RORA: variants seen among roughly 807,000 people sequenced by gnomAD.
RORA encodes RAR related orphan receptor A.
A neutral mutation model predicts 69.5 loss-of-function variants in RORA; 7 were observed. That is an observed-to-expected ratio of 0.10 (90% confidence interval 0.06 to 0.19). RORA has a LOEUF of 0.19. Among genes scored for constraint, RORA ranks in the 10% least tolerant of loss-of-function variants. The pLI, the probability that RORA is intolerant of heterozygous loss-of-function variation, is 1.00. For missense variants in RORA, 457 were observed against 663.0 expected, an observed-to-expected ratio of 0.69 and a Z score of 3.41; for synonymous variants, 261 against 240.8, an observed-to-expected ratio of 1.08 and a Z score of -0.78.
chr15:60,934,003 C>T (rs576850461), intron 1 of RORA, among the ~76,000 whole-genome samples: 6 of 152,310 alleles, frequency 3.9e-5, no homozygotes, highest in South Asian at 2.1e-4. Context: ...GACAGTCGTT[C>T]GGTAAAGAAA....
chr15:60,526,759 CAG>C (rs2066370856), intron 3 of RORA, among the ~76,000 whole-genome samples: 1 of 152,232 alleles, frequency 6.6e-6, no homozygotes, highest in African/African-American at 2.4e-5. Flanking sequence ...GAAAAGTGGA[CAG>C]AATTAGTTCA....
At chr15:60,597,615 TATACATAC>T (rs1555436052) in intron 2 of RORA, among the ~76,000 whole-genome samples, 642 of 47,560 alleles carry the variant, frequency 0.013, 70 homozygotes, top group African/African-American at 0.062. Flanking sequence ...TATATATATA[TATACATAC>T]ATATATATAC....
intron 1 of RORA, among the ~76,000 whole-genome samples, chr15:60,789,997 G>A (rs1218202644): frequency 6.6e-6 from 1 of 152,236 alleles, no homozygotes; most frequent in African/African-American, 2.4e-5. Flanking sequence ...CAACCGATAA[G>A]TGTTGAAGCC....
intron 1 of RORA, among the ~76,000 whole-genome samples, chr15:60,974,562 C>G (rs979659852): frequency 6.6e-6 from 1 of 152,128 alleles, no homozygotes; most frequent in Non-Finnish European, 1.5e-5. Flanking sequence ...TTATCAGGAC[C>G]CTTAAGAGCC....
At chr15:60,561,066 T>G (rs11633323) in intron 2 of RORA, among the ~76,000 whole-genome samples, 4,276 of 131,694 alleles carry the variant, frequency 0.032, 83 homozygotes, top group Middle Eastern at 0.064. Flanking sequence ...GTTTTTTTTT[T>G]TTTTGTTTTG....
At chr15:61,202,699 G>C (rs1183789778) in intron 1 of RORA, among the ~76,000 whole-genome samples, 3 of 151,896 alleles carry the variant, frequency 2.0e-5, no homozygotes, top group Non-Finnish European at 4.4e-5. Context: ...AGAAAGACTA[G>C]AAAAACTCTA....
At chr15:60,875,022 T>C (rs527370605) in intron 1 of RORA, among the ~76,000 whole-genome samples, 10 of 152,172 alleles carry the variant, frequency 6.6e-5, no homozygotes, top group Non-Finnish European at 1.2e-4. Context: ...ACATCATCAA[T>C]AACAACAATA....
chr15:60,563,382 T>C (rs568999678), intron 2 of RORA, among the ~76,000 whole-genome samples: 1 of 152,346 alleles, frequency 6.6e-6, no homozygotes, highest in South Asian at 2.1e-4. Flanking sequence ...GTGGAAAATA[T>C]TAAACAGACT....
At chr15:60,517,764 T>C (rs1350165672) in intron 3 of RORA, among the ~76,000 whole-genome samples, 6 of 152,210 alleles carry the variant, frequency 3.9e-5, no homozygotes. Context: ...CAGGAATGTA[T>C]TTGTTTTTGC....
At chr15:60,971,569 C>T (rs1334736979) in intron 1 of RORA, among the ~76,000 whole-genome samples, 2 of 152,216 alleles carry the variant, frequency 1.3e-5, no homozygotes, top group Non-Finnish European at 2.9e-5. Context: ...CTTCTCCTCA[C>T]TCCATTGCAA....
chr15:60,719,036 T>TGG (rs772681035), intron 1 of RORA, among the ~76,000 whole-genome samples: 5 of 121,332 alleles, frequency 4.1e-5, no homozygotes, highest in East Asian at 3.1e-4. Flanking sequence ...TGTGTGTGTG[T>TGG]GGGGGGGGTG....
At chr15:60,997,110 G>A (rs1894575599) in intron 1 of RORA, among the ~76,000 whole-genome samples, 1 of 151,874 alleles carries the variant, frequency 6.6e-6, no homozygotes, top group South Asian at 2.1e-4. Context: ...AATATGTTAG[G>A]TGCTTGAATT....
chr15:60,990,982 T>C (rs1894359615), intron 1 of RORA, among the ~76,000 whole-genome samples: 2 of 152,188 alleles, frequency 1.3e-5, no homozygotes, highest in African/African-American at 4.8e-5. Context: ...ATATGTCATG[T>C]CTATTAAAAA....
intron 1 of RORA, among the ~76,000 whole-genome samples, chr15:61,020,440 G>A (rs1228924683): frequency 6.6e-6 from 1 of 152,210 alleles, no homozygotes; most frequent in Non-Finnish European, 1.5e-5. Flanking sequence ...TTCGCAAACA[G>A]ACTTTGGGCA....
At chr15:60,972,354 C>T (rs570431113) in intron 1 of RORA, among the ~76,000 whole-genome samples, 5 of 152,258 alleles carry the variant, frequency 3.3e-5, no homozygotes, top group Admixed American at 1.3e-4. Flanking sequence ...TATAAAAATA[C>T]GCATGTGTAT....
chr15:60,537,542 G>C lies in RORA; in HGVS notation c.197-5691C>G, dbSNP rs1212775171. Among the ~76,000 whole-genome samples the C allele has an allele frequency of 2.0e-5, 3 of 152,162 alleles. No homozygotes were observed. Among genetic ancestry groups the C allele is most frequent in the Admixed American group, 6.5e-5 (1 of 15,274 alleles). On this transcript the variant is annotated intron_variant, in intron 2 of 10. Coordinates refer to ENST00000335670, the MANE Select transcript of RORA (RefSeq NM_134261.3). This position sits in a 1 kb window ranked among gnomAD's most constrained non-coding sequence, Gnocchi z 4.9. ...CCAGGACACCATAAGGGTTTGCAGA[G>C]AGCTCTCATTACATCTCCATGTGGA...
intron 1 of RORA, among the ~76,000 whole-genome samples, chr15:61,100,112 C>CTTTTTTT (rs911036920): frequency 3.7e-4 from 44 of 119,048 alleles, no homozygotes; most frequent in Non-Finnish European, 4.6e-4. Context: ...GGTCAATTTT[C>CTTTTTTT]TTTTTTTTTT....
At chr15:60,507,911 C>G (rs1051029980) in intron 5 of RORA, among the ~76,000 whole-genome samples, 7 of 152,108 alleles carry the variant, frequency 4.6e-5, no homozygotes, top group African/African-American at 1.7e-4. Flanking sequence ...GAAACTGTGG[C>G]CACTTATCCC....
At chr15:61,081,617 C>T (rs931026988) in intron 1 of RORA, among the ~76,000 whole-genome samples, 2 of 151,900 alleles carry the variant, frequency 1.3e-5, no homozygotes, top group African/African-American at 2.4e-5. Flanking sequence ...ACCATCCTGG[C>T]TAACATGGTG....
Sources: gnomAD v4.1 joint callset for allele counts (sites outside exome capture counted in the v4.1 genomes callset) on GRCh38, gnomAD v4.1.1 for gene constraint, Gnocchi (gnomAD v3.1) non-coding constraint, MANE v1.5 for transcripts, NCBI Gene and HGNC (gene_info 2026-07-23, HGNC 2026-07-21) for gene names.